The following KIRREL3 variants were observed in gnomAD, a reference collection of about 807,000 sequenced individuals.
KIRREL3 encodes the protein kirre like nephrin family adhesion molecule 3.
KIRREL3 carries 36 observed loss-of-function variants against 89.7 expected under a neutral mutation model. That is an observed-to-expected ratio of 0.40 (90% CI 0.31 to 0.53). KIRREL3 has a LOEUF of 0.53. Ranked by LOEUF, KIRREL3 falls within the 20% of genes least tolerant of loss-of-function variation. The pLI, the probability that KIRREL3 is intolerant of heterozygous loss-of-function variation, is 0.49. For synonymous variants in KIRREL3, 445 were observed against 441.4 expected, an observed-to-expected ratio of 1.01 and a Z score of -0.10; for missense variants, 864 against 1,056.6, an observed-to-expected ratio of 0.82 and a Z score of 2.53.
chr11:126,429,402 C>T lies in KIRREL3; in HGVS notation c.1697-114G>A, dbSNP rs533224256. The T allele has an allele frequency of 4.2e-6, 3 of 712,062 alleles. No individual in the cohort carries two copies. Among genetic ancestry groups the T allele is most frequent in the South Asian group, 1.6e-5 (1 of 64,230 alleles). 44.1% of individuals were successfully genotyped at this position (712,062 alleles called of 1,614,324 possible). ...GCCACCCTCTGCATTTCCCCTCCAG[C>T]CCCTGAACTCAGCAGCTTCACCAGC... On this transcript the variant is annotated intron_variant, in intron 14 of 16. Transcript: ENST00000525144. The surrounding 1 kb of genome is among the most constrained non-coding windows in gnomAD (Gnocchi z 5.2).
rs185490233 is a variant in KIRREL3 at position 126,606,820 on chromosome 11, T to C, written c.56-43908A>G. 3.2e-4 allele frequency among the ~76,000 whole-genome samples: 49 copies of C among 152,120 alleles called. No homozygotes were observed. The highest frequency in any genetic ancestry group is 1.2e-3 in the African/African-American group (48 of 41,452). ...CATGCTGGCCTTCTTCTGCACTCTTTTTTTCTTTCTTTAAAAGCTTAGACT... is the reference window on the plus strand; with the variant it reads ...CATGCTGGCCTTCTTCTGCACTCTTCTTTTCTTTCTTTAAAAGCTTAGACT... On this transcript the variant is annotated intron_variant, in intron 1 of 16. Coordinates refer to ENST00000525144, the MANE Select transcript of KIRREL3 (RefSeq NM_032531.4). This position sits in a 1 kb window ranked among gnomAD's most constrained non-coding sequence, Gnocchi z 4.6.
rs1193283132 is a variant in KIRREL3 at position 126,719,703 on chromosome 11, T to C, written c.56-156791A>G. ...TCTAAGGCCACAACCTTAGAAGTCA[T>C]CCCTGATGCCTTTCTCTAATACTTT... On this transcript the variant is annotated intron_variant, in intron 1 of 16. Coordinates refer to ENST00000525144, the MANE Select transcript of KIRREL3 (RefSeq NM_032531.4). This position sits in a 1 kb window ranked among gnomAD's most constrained non-coding sequence, Gnocchi z 4.7. Among the ~76,000 whole-genome samples the C allele has an allele frequency of 6.6e-6, 1 of 152,198 alleles. No individual in the cohort carries two copies. Among genetic ancestry groups the C allele is most frequent in the Non-Finnish European group, 1.5e-5 (1 of 68,040 alleles).
rs749379208 is a variant in KIRREL3, at chr11:126,463,194, G to C, written c.705C>G (p.Pro235=). 1 of 1,613,876 alleles carries C rather than the reference G, an allele frequency of 6.2e-7. No individual in the cohort carries two copies. The highest frequency in any genetic ancestry group is 8.5e-7 in the Non-Finnish European group (1 of 1,179,860). Residue 235 remains proline, a synonymous_variant, in exon 6 of 17, where the codon CCC becomes CCG. Transcript: ENST00000525144. The surrounding 1 kb of genome is among the most constrained non-coding windows in gnomAD (Gnocchi z 5.9). ...TGGTGACCGACGTCTCCTTTCCTCC[G>C]GGGATGGCTTTGTTGGTGGCACGAC... The part of the protein sequence containing the change: ...IVCRATNKAI[P]GGKETSVTID...
At chr11:126,717,091 A>T (rs779308432) in intron 1 of KIRREL3, among the ~76,000 whole-genome samples, 4 of 152,148 alleles carry the variant, frequency 2.6e-5, no homozygotes, top group Non-Finnish European at 4.4e-5. Flanking sequence ...CTCAAACATC[A>T]CTTTAAAACA....
chr11:126,721,039 G>T (rs4489752), intron 1 of KIRREL3, among the ~76,000 whole-genome samples: 121,481 of 152,128 alleles, frequency 0.8, 49,118 homozygotes, highest in East Asian at 0.99. Flanking sequence ...GCAAGGGAGG[G>T]AGCCCTGAAA....
chr11:126,619,042 GT>G (rs1233200873), intron 1 of KIRREL3, among the ~76,000 whole-genome samples: 15 of 152,190 alleles, frequency 9.9e-5, no homozygotes, highest in Admixed American at 6.5e-5. Flanking sequence ...TGAAAACAAA[GT>G]AAATAACAAA....
At chr11:126,932,930 G>T (rs1948015606) in intron 1 of KIRREL3, among the ~76,000 whole-genome samples, 2 of 152,160 alleles carry the variant, frequency 1.3e-5, no homozygotes, top group African/African-American at 4.8e-5. Context: ...AATAATGAGG[G>T]ATTATTTAAA....
chr11:126,875,692 A>G (rs1212527541), intron 1 of KIRREL3, among the ~76,000 whole-genome samples: 1 of 152,222 alleles, frequency 6.6e-6, no homozygotes, highest in African/African-American at 2.4e-5. Context: ...AGTGCTCTGG[A>G]TAAGGTTTTG....
At chr11:126,602,182 G>C (rs138759772) in intron 1 of KIRREL3, among the ~76,000 whole-genome samples, 2,247 of 152,308 alleles carry the variant, frequency 0.015, 45 homozygotes, top group African/African-American at 0.051. Flanking sequence ...TTTGATGAAA[G>C]CCTACTCTGG....
At chr11:126,444,236 C>T (rs759535590) in intron 10 of KIRREL3, among the ~76,000 whole-genome samples, 27 of 152,306 alleles carry the variant, frequency 1.8e-4, no homozygotes, top group Non-Finnish European at 3.1e-4. Flanking sequence ...CTCAAGGGGG[C>T]CCCTGAACAC....
chr11:126,973,332 T>C (rs1323074598), intron 1 of KIRREL3, among the ~76,000 whole-genome samples: 1 of 152,138 alleles, frequency 6.6e-6, no homozygotes, highest in East Asian at 1.9e-4. Context: ...CACCATTCAG[T>C]TGCATAGAGA....
chr11:126,976,816 G>C lies in KIRREL3; in HGVS notation c.55+23639C>G, dbSNP rs989206552. On this transcript the variant is annotated intron_variant, in intron 1 of 16. Transcript: ENST00000525144. This position sits in a 1 kb window ranked among gnomAD's most constrained non-coding sequence, Gnocchi z 4.2. ...TAAAGGAGAGGGGAGGTTACTACTG[G>C]CATAAGGTTATTACTTCACGGTGGA... Among the ~76,000 whole-genome samples the C allele has an allele frequency of 2.6e-5, 4 of 152,050 alleles. No homozygotes were observed. The highest frequency in any genetic ancestry group is 9.7e-5 in the African/African-American group (4 of 41,378).
At chr11:126,629,513 C>T (rs1330418460) in intron 1 of KIRREL3, among the ~76,000 whole-genome samples, 2 of 152,172 alleles carry the variant, frequency 1.3e-5, no homozygotes, top group Admixed American at 1.3e-4. Context: ...GGACTTTGCA[C>T]TGCTCTCTCT....
At chr11:126,899,970 C>T (rs1770074083) in intron 1 of KIRREL3, among the ~76,000 whole-genome samples, 1 of 152,180 alleles carries the variant, frequency 6.6e-6, no homozygotes, top group African/African-American at 2.4e-5. Context: ...AAAGCCAAAA[C>T]CGCTCTTTAG....
chr11:126,942,628 T>C (rs1784326), intron 1 of KIRREL3, among the ~76,000 whole-genome samples: 15,520 of 152,204 alleles, frequency 0.1, 920 homozygotes, highest in Middle Eastern at 0.19. Context: ...CTAGGAGTCA[T>C]GTGGCATGTG....
chr11:126,806,544 G>A (rs1951209322), intron 1 of KIRREL3, among the ~76,000 whole-genome samples: 1 of 152,164 alleles, frequency 6.6e-6, no homozygotes, highest in Non-Finnish European at 1.5e-5. Flanking sequence ...AGGTTTTTCA[G>A]TGATACTCCC....
At position 126,523,665 on chromosome 11, in the gene KIRREL3, C is replaced by A. The variant is rs568500986; in HGVS notation, c.284-2201G>T. Among the ~76,000 whole-genome samples the A allele has an allele frequency of 1.3e-5, 2 of 152,232 alleles. No homozygotes were observed. The highest frequency in any genetic ancestry group is 6.5e-5 in the Admixed American group (1 of 15,286). Reference sequence around the variant, plus strand: ...CCCAGGTAAGTTAAGCTGTCTCCCCCCAGGGCCAGGAGAGGGGCTGGAAAT... The same window carrying A: ...CCCAGGTAAGTTAAGCTGTCTCCCCACAGGGCCAGGAGAGGGGCTGGAAAT... On this transcript the variant is annotated intron_variant, in intron 3 of 16. Coordinates refer to ENST00000525144, the MANE Select transcript of KIRREL3 (RefSeq NM_032531.4). The surrounding 1 kb of genome is among the most constrained non-coding windows in gnomAD (Gnocchi z 4.9).
At chr11:126,910,301 G>T (rs116990716) in intron 1 of KIRREL3, among the ~76,000 whole-genome samples, 3 of 152,174 alleles carry the variant, frequency 2.0e-5, no homozygotes, top group Non-Finnish European at 4.4e-5. Context: ...TGCAGGAAGA[G>T]GCAGCCAAGG....
intron 1 of KIRREL3, among the ~76,000 whole-genome samples, chr11:126,863,528 TGTGA>T (rs1241295694): frequency 8.7e-5 from 13 of 148,926 alleles, no homozygotes; most frequent in Admixed American, 5.4e-4. Flanking sequence ...TGAGTGCGTG[TGTGA>T]GTGCGTGTGA....
Sources: gnomAD v4.1 joint callset for allele counts (sites outside exome capture counted in the v4.1 genomes callset) on GRCh38, gnomAD v4.1.1 for gene constraint, Gnocchi (gnomAD v3.1) non-coding constraint, MANE v1.5 for transcripts, NCBI Gene and HGNC (gene_info 2026-07-23, HGNC 2026-07-21) for gene names.